SH3GLB1: variants seen among roughly 807,000 people sequenced by gnomAD.
The protein encoded by SH3GLB1 is endophilin-B1.
SH3GLB1 carries 17 observed loss-of-function variants against 42.0 expected under a neutral mutation model. That is an observed-to-expected ratio of 0.40 (90% CI 0.28 to 0.61). The LOEUF is 0.61. SH3GLB1 is among the 20% of genes least tolerant of loss of function. The probability of loss-of-function intolerance (pLI) is 0.36; values close to 1 mark genes in which losing one functional copy is unlikely to be tolerated. For missense variants in SH3GLB1, 355 were observed against 426.3 expected, an observed-to-expected ratio of 0.83 and a Z score of 1.47; for synonymous variants, 132 against 146.6, an observed-to-expected ratio of 0.90 and a Z score of 0.72.
At chr1:86,719,810 A>G (rs1307362277) in intron 3 of SH3GLB1, among the ~76,000 whole-genome samples, 175 bp downstream of exon 3, 1 of 151,988 alleles carries the variant, frequency 6.6e-6, no homozygotes, top group Non-Finnish European at 1.5e-5. Flanking sequence ...CCTGGCTAAC[A>G]TGGTGAAACC....
Position 86,722,634 on chromosome 1 carries a change from T to C in SH3GLB1, c.438T>C (p.Pro146=), listed in dbSNP as rs1364191396. Residue 146 remains proline, a synonymous_variant, in exon 4 of 9, where the codon CCT becomes CCC. Coordinates refer to ENST00000370558, the MANE Select transcript of SH3GLB1 (RefSeq NM_016009.5). ...IQTSALNFLT[P]LRNFIEGDYK... is the part of the protein sequence containing the mutation. ...CGTCAGCCTTAAATTTTCTTACTCC[T>C]TTAAGAAACTTTATAGAAGGAGATT... The C allele has an allele frequency of 6.2e-7, 1 of 1,608,264 alleles. No homozygotes were observed. The highest frequency in any genetic ancestry group is 8.5e-7 in the Non-Finnish European group (1 of 1,177,278).
chr1:86,709,996 C>T (rs576930991), intron 1 of SH3GLB1, among the ~76,000 whole-genome samples: 2 of 152,314 alleles, frequency 1.3e-5, no homozygotes, highest in South Asian at 4.1e-4. Context: ...AGAATTCACA[C>T]CGTGACAACT....
In SH3GLB1 at chr1:86,704,975, C is replaced by T. The variant is rs1434017302; in HGVS notation, c.72+4C>T. Reference sequence around the variant, plus strand: ...CTTCCTCAGTCGCGCCGTGCAGGTACCCTGGTGCTGGGGGGAAAAGGGGTG... The same window carrying T: ...CTTCCTCAGTCGCGCCGTGCAGGTATCCTGGTGCTGGGGGGAAAAGGGGTG... On this transcript the variant is annotated splice_donor_region_variant and intron_variant, in intron 1 of 8. Transcript: ENST00000370558. The T allele has an allele frequency of 6.4e-7, 1 of 1,570,046 alleles. No individual in the cohort carries two copies. The highest frequency in any genetic ancestry group is 1.8e-5 in the Admixed American group (1 of 55,454).
Position 86,730,264 on chromosome 1 carries a change from T to G in SH3GLB1, c.571-4338T>G, listed in dbSNP as rs1655431889. The G allele has an allele frequency of 6.1e-6, 6 of 985,178 alleles. No homozygotes were observed. In the South Asian group the frequency reaches 1.9e-4, roughly 31 times the overall value. The allele number at this position is 985,178 out of a possible 1,614,324, so 61.0% of individuals were successfully genotyped here. On this transcript the variant is annotated intron_variant, in intron 5 of 8. Coordinates refer to ENST00000370558, the MANE Select transcript of SH3GLB1 (RefSeq NM_016009.5). ...AAATGAGGGATATGTTCAGGTCTCT[T>G]TAGCTAATAGAAGCTCCACCAAGCA...
intron 2 of SH3GLB1, among the ~76,000 whole-genome samples, chr1:86,718,935 A>T (rs1654707695): frequency 6.6e-6 from 1 of 152,234 alleles, no homozygotes; most frequent in Non-Finnish European, 1.5e-5. Context: ...CATAAACTAA[A>T]GCCAAGGCAT....
chr1:86,738,334 C>T (rs1309876223), intron 7 of SH3GLB1, among the ~76,000 whole-genome samples: 2 of 151,988 alleles, frequency 1.3e-5, no homozygotes, highest in African/African-American at 4.8e-5. Flanking sequence ...GGCGCAATCT[C>T]GGCTCACTGC....
At chr1:86,730,961 A>G (rs2101968445) in intron 5 of SH3GLB1, among the ~76,000 whole-genome samples, 1 of 152,212 alleles carries the variant, frequency 6.6e-6, no homozygotes, top group East Asian at 1.9e-4. Flanking sequence ...GGTCATTATT[A>G]TGAATATTTA....
rs796454660 is a variant in SH3GLB1 at position 86,711,232 on chromosome 1, C to CT, written c.73-4482dup. ...ATCACACACCCATTTTATTTGTAGT[C>CT]TTTTTTTTTTCTAAAAGTAGAGTTT... On this transcript the variant is annotated intron_variant, in intron 1 of 8. Coordinates refer to ENST00000370558, the MANE Select transcript of SH3GLB1 (RefSeq NM_016009.5). Among the ~76,000 whole-genome samples the CT allele has an allele frequency of 3.4e-4, 50 of 148,582 alleles. No individual in the cohort carries two copies. The Middle Eastern group carries it at 0.01, about 31-fold the overall frequency.
chr1:86,719,613 G>A lies in SH3GLB1; in HGVS notation c.321G>A (p.Glu107=), dbSNP rs761732492. 1 of 1,609,678 alleles carries A rather than the reference G, an allele frequency of 6.2e-7. No homozygotes were observed. The highest frequency in any genetic ancestry group is 1.7e-5 in the Admixed American group (1 of 59,524). ...LGQYMIDAGT[E]FGPGTAYGNA... ...AATATATGATTGATGCAGGGACTGA[G>A]TTTGGCCCAGGAACAGCTTATGGTA... The change falls in exon 3 of 9, where the codon GAG becomes GAA. Residue 107 remains glutamate (E), a synonymous_variant. Transcript: ENST00000370558.
At chr1:86,736,841 G>T (rs1352993599) in intron 7 of SH3GLB1, among the ~76,000 whole-genome samples, 1 of 152,158 alleles carries the variant, frequency 6.6e-6, no homozygotes, top group African/African-American at 2.4e-5. Context: ...TTAATTTGTT[G>T]CAGGTTATGC....
At chr1:86,731,259 T>C (rs761439846) in intron 5 of SH3GLB1, among the ~76,000 whole-genome samples, 3 of 152,200 alleles carry the variant, frequency 2.0e-5, no homozygotes, top group Non-Finnish European at 2.9e-5. Context: ...GACATCCACA[T>C]GAGGATAACA....
At chr1:86,726,224 C>G (rs1036100494) in intron 5 of SH3GLB1, among the ~76,000 whole-genome samples, 1 of 151,954 alleles carries the variant, frequency 6.6e-6, no homozygotes, top group African/African-American at 2.4e-5. Flanking sequence ...ATACTGTTAC[C>G]AAGTTTCAGT....
intron 5 of SH3GLB1, among the ~76,000 whole-genome samples, chr1:86,724,892 A>AAATATATATAT (rs1291454820): frequency 1.0e-5 from 1 of 99,700 alleles, no homozygotes; most frequent in African/African-American, 5.4e-5. Flanking sequence ...AAAAAAAAAA[A>AAATATATATAT]ATATATATAT....
At chr1:86,708,866 CA>C in intron 1 of SH3GLB1, among the ~76,000 whole-genome samples, 1 of 152,072 alleles carries the variant, frequency 6.6e-6, no homozygotes, top group Middle Eastern at 3.4e-3. Flanking sequence ...TTTTAATTTC[CA>C]AAATATCTTC....
At position 86,746,528 on chromosome 1, in the gene SH3GLB1, A is replaced by C. The variant is rs1239084211; in HGVS notation, c.*3293A>C. Reference sequence around the variant, plus strand: ...TGTGAGTCTCAAACGCTGGAGAGAGAGTTCCACAACCACCCCTGCCCTTTC... The same window carrying C: ...TGTGAGTCTCAAACGCTGGAGAGAGCGTTCCACAACCACCCCTGCCCTTTC... On this transcript the variant is annotated 3_prime_UTR_variant, in exon 9 of 9. Transcript: ENST00000370558. 6.6e-6 allele frequency: 1 copy of C among 152,242 alleles called. No homozygotes were observed. The highest frequency in any genetic ancestry group is 1.5e-5 in the Non-Finnish European group (1 of 68,128). The allele number at this position is 152,242 out of a possible 1,614,324, so 9.4% of individuals were successfully genotyped here.
Position 86,711,724 on chromosome 1 carries a change from A to G in SH3GLB1, c.73-4000A>G, listed in dbSNP as rs1654222106. 1.3e-5 allele frequency among the ~76,000 whole-genome samples: 2 copies of G among 152,098 alleles called. 1 individual carries two copies. The highest frequency in any genetic ancestry group is 2.9e-5 in the Non-Finnish European group (2 of 67,968). On this transcript the variant is annotated intron_variant, in intron 1 of 8. Coordinates refer to ENST00000370558, the MANE Select transcript of SH3GLB1 (RefSeq NM_016009.5). ...TGGGTTAATTTAAAATTTTTTGGTA[A>G]CTAGGAAAGGGATCTTTTTTTAAAA...
chr1:86,724,892 A>AAAAAAT (rs1291454820), intron 5 of SH3GLB1, among the ~76,000 whole-genome samples: 2 of 99,700 alleles, frequency 2.0e-5, no homozygotes, highest in Non-Finnish European at 3.7e-5. Flanking sequence ...AAAAAAAAAA[A>AAAAAAT]ATATATATAT....
At chr1:86,738,864 G>A (rs1655914639) in intron 7 of SH3GLB1, among the ~76,000 whole-genome samples, 1 of 151,528 alleles carries the variant, frequency 6.6e-6, no homozygotes, top group African/African-American at 2.4e-5. Context: ...GGCTGGTCTT[G>A]AACTCCTGGC....
chr1:86,715,215 G>C (rs1654439653), intron 1 of SH3GLB1, among the ~76,000 whole-genome samples: 1 of 152,036 alleles, frequency 6.6e-6, no homozygotes, highest in Admixed American at 6.5e-5. Flanking sequence ...CAAACAAAGT[G>C]ATTTGCATAC....
Sources: allele counts gnomAD v4.1 joint callset (sites outside exome capture counted in the v4.1 genomes callset), GRCh38; gene constraint gnomAD v4.1.1; transcripts MANE v1.5; gene names NCBI Gene and HGNC (gene_info 2026-07-23, HGNC 2026-07-21).